Variants in CNTN1 observed in about 807,000 individuals in gnomAD.
CNTN1 encodes contactin-1.
A neutral mutation model predicts 126.4 loss-of-function variants in CNTN1; 38 were observed. The ratio of observed to expected loss-of-function variants is 0.30; its 90% CI spans 0.23 to 0.39. The LOEUF is 0.39. Ranked by LOEUF, CNTN1 falls within the 10% of genes least tolerant of loss-of-function variation. The pLI is 1.00. For synonymous variants in CNTN1, 413 were observed against 422.6 expected (o/e 0.98, Z 0.28); for missense variants, 1,009 against 1,248.4 (o/e 0.81, Z 2.89).
intron 1 of CNTN1, among the ~76,000 whole-genome samples, chr12:40,880,161 G>A (rs1440632483): frequency 1.3e-5 from 2 of 151,986 alleles, no homozygotes; most frequent in African/African-American, 4.8e-5. Flanking sequence ...TTAGCAATAA[G>A]GAAAAGGCAG....
chr12:40,913,963 A>G (rs1945140536), intron 3 of CNTN1, among the ~76,000 whole-genome samples: 1 of 152,202 alleles, frequency 6.6e-6, no homozygotes, highest in South Asian at 2.1e-4. Context: ...AGATCAAAAT[A>G]GTGATATGAA....
intron 1 of CNTN1, among the ~76,000 whole-genome samples, chr12:40,895,755 ATT>A (rs35784846): frequency 0.16 from 18,885 of 121,514 alleles, 1,680 homozygotes; most frequent in African/African-American, 0.34. Context: ...GTGCTTCAAG[ATT>A]TTTTTTTTTT....
intron 16 of CNTN1, among the ~76,000 whole-genome samples, chr12:40,984,591 A>G (rs893379798): frequency 6.6e-6 from 1 of 152,200 alleles, no homozygotes; most frequent in South Asian, 2.1e-4. Context: ...TATTGGAAGA[A>G]AGGCACAAAG....
chr12:40,987,955 C>T lies in CNTN1; in HGVS notation c.1964-5165C>T, dbSNP rs558468798. On this transcript the variant is annotated intron_variant, in intron 16 of 23. Coordinates refer to ENST00000551295, the MANE Select transcript of CNTN1 (RefSeq NM_001843.4). ...GTATCCTTTTTTTTTTTTTGCCTTT[C>T]TGTTTCTTCAGTTTTTGTAGTTCTC... Among the ~76,000 whole-genome samples, 310 of 136,742 alleles carry T rather than the reference C, an allele frequency of 2.3e-3. 2 individuals are homozygous for T. The highest frequency in any genetic ancestry group is 0.011 in the Middle Eastern group (3 of 264). 89.7% of individuals were successfully genotyped at this position (136,742 alleles called of 152,430 possible).
intron 1 of CNTN1, among the ~76,000 whole-genome samples, chr12:40,815,255 T>G (rs989794117): frequency 5.3e-5 from 8 of 152,236 alleles, no homozygotes; most frequent in African/African-American, 1.9e-4. Flanking sequence ...ATGGCCATTT[T>G]CACAATATTG....
chr12:40,786,339 T>C (rs1479373242), intron 1 of CNTN1, among the ~76,000 whole-genome samples: 4 of 152,150 alleles, frequency 2.6e-5, no homozygotes, highest in Non-Finnish European at 4.4e-5. Flanking sequence ...CCTTCTCACA[T>C]CACATCTCTC....
At chr12:40,769,263 A>T (rs530303020) in intron 1 of CNTN1, among the ~76,000 whole-genome samples, 2 of 136,732 alleles carry the variant, frequency 1.5e-5, no homozygotes, top group Admixed American at 1.4e-4. Flanking sequence ...TAAACAATAT[A>T]TCTTTTTTTC....
intron 1 of CNTN1, among the ~76,000 whole-genome samples, chr12:40,887,728 A>G (rs1356513334): frequency 1.3e-5 from 2 of 151,970 alleles, no homozygotes; most frequent in Non-Finnish European, 2.9e-5. Context: ...TGTTTATTGC[A>G]GCACTATTCA....
intron 1 of CNTN1, among the ~76,000 whole-genome samples, chr12:40,827,725 A>C (rs535560570): frequency 5.9e-5 from 9 of 152,070 alleles, no homozygotes; most frequent in African/African-American, 2.2e-4. Context: ...GCAGGGTTGG[A>C]GGCTTCTGCC....
At chr12:41,000,092 T>C (rs1948319637) in intron 17 of CNTN1, among the ~76,000 whole-genome samples, 1 of 152,156 alleles carries the variant, frequency 6.6e-6, no homozygotes, top group African/African-American at 2.4e-5. Flanking sequence ...GAAAATATAT[T>C]ACAAAGTGCT....
At chr12:40,881,483 T>A (rs945012587) in intron 1 of CNTN1, among the ~76,000 whole-genome samples, 5 of 151,846 alleles carry the variant, frequency 3.3e-5, no homozygotes, top group African/African-American at 1.2e-4. Context: ...TTTTGCAAGT[T>A]ACAGCACTCT....
chr12:40,850,511 G>A (rs554987672), intron 1 of CNTN1, among the ~76,000 whole-genome samples: 15 of 151,830 alleles, frequency 9.9e-5, no homozygotes, highest in Middle Eastern at 3.4e-3. Context: ...ATTTGCTAAA[G>A]CCTTCCATCT....
At chr12:40,940,317 G>T (rs1161452078) in intron 12 of CNTN1, among the ~76,000 whole-genome samples, 2 of 152,014 alleles carry the variant, frequency 1.3e-5, no homozygotes, top group Non-Finnish European at 1.5e-5. Flanking sequence ...GGAAAATGGA[G>T]GAGACTTTTA....
intron 1 of CNTN1, among the ~76,000 whole-genome samples, chr12:40,716,957 C>A (rs1157459744): frequency 6.6e-6 from 1 of 152,144 alleles, no homozygotes; most frequent in Non-Finnish European, 1.5e-5. Context: ...CTTATTTAAT[C>A]TTCACAACAT....
At chr12:40,743,373 G>T (rs1358046925) in intron 1 of CNTN1, among the ~76,000 whole-genome samples, 1 of 152,026 alleles carries the variant, frequency 6.6e-6, no homozygotes, top group Admixed American at 6.6e-5. Context: ...AAATTGCAAT[G>T]AGTGACATAG....
intron 10 of CNTN1, among the ~76,000 whole-genome samples, 178 bp from the exon 11 acceptor site, chr12:40,937,392 G>T (rs1195935752): frequency 1.3e-5 from 2 of 152,102 alleles, no homozygotes; most frequent in East Asian, 1.9e-4. Context: ...GAGCCTTTGG[G>T]CATGGTAAGT....
intron 1 of CNTN1, among the ~76,000 whole-genome samples, chr12:40,764,944 A>G (rs533736025): frequency 3.3e-5 from 5 of 152,300 alleles, no homozygotes; most frequent in African/African-American, 1.2e-4. Flanking sequence ...CATTGAGATT[A>G]GAGAACATAT....
At chr12:40,806,217 TC>T (rs1305302726) in intron 1 of CNTN1, among the ~76,000 whole-genome samples, 3 of 152,010 alleles carry the variant, frequency 2.0e-5, no homozygotes, top group Non-Finnish European at 2.9e-5. Flanking sequence ...CTGCCCCTCC[TC>T]CCCATGAAGG....
chr12:40,868,514 G>A (rs1306023852), intron 1 of CNTN1, among the ~76,000 whole-genome samples: 1 of 152,040 alleles, frequency 6.6e-6, no homozygotes, highest in Non-Finnish European at 1.5e-5. Flanking sequence ...GGTAATTAAG[G>A]ATGCTGAAAA....
Sources: gnomAD v4.1 joint callset for allele counts (sites outside exome capture counted in the v4.1 genomes callset) on GRCh38, gnomAD v4.1.1 for gene constraint, MANE v1.5 for transcripts, NCBI Gene and HGNC (gene_info 2026-07-23, HGNC 2026-07-21) for gene names.